The following PCLO variants were observed in gnomAD, a reference collection of about 807,000 sequenced individuals.
PCLO encodes the protein piccolo presynaptic cytomatrix protein.
In PCLO, 82 loss-of-function variants were observed where a neutral mutation model predicts 427.5. The ratio of observed to expected loss-of-function variants is 0.19; its 90% CI spans 0.16 to 0.23. The LOEUF is 0.23. Among genes scored for constraint, PCLO ranks in the 10% least tolerant of loss-of-function variants. The pLI is 1.00. For missense variants in PCLO, 6,239 were observed against 6,115.9 expected, an observed-to-expected ratio of 1.02 and a Z score of -0.67; for synonymous variants, 2,357 against 2,155.4, an observed-to-expected ratio of 1.09 and a Z score of -2.59.
chr7:82,983,510 T>C (rs890123399), intron 3 of PCLO, among the ~76,000 whole-genome samples: 1 of 150,746 alleles, frequency 6.6e-6, no homozygotes, highest in African/African-American at 2.4e-5. Flanking sequence ...ATGTTATAAA[T>C]GTTAACATTT....
At chr7:83,061,057 G>C (rs1464411773) in intron 3 of PCLO, among the ~76,000 whole-genome samples, 1 of 152,164 alleles carries the variant, frequency 6.6e-6, no homozygotes, top group Non-Finnish European at 1.5e-5. Flanking sequence ...CTAGTGGTGT[G>C]TAAAAAATTA....
intron 3 of PCLO, among the ~76,000 whole-genome samples, chr7:83,131,325 G>A (rs533516804): frequency 2.6e-5 from 4 of 152,256 alleles, no homozygotes; most frequent in East Asian, 1.9e-4. Flanking sequence ...GCAGGCAGCC[G>A]TTGGCACTCC....
intron 1 of PCLO, among the ~76,000 whole-genome samples, chr7:83,159,802 A>G (rs1037724656): frequency 1.3e-5 from 2 of 151,786 alleles, no homozygotes; most frequent in African/African-American, 2.4e-5. Flanking sequence ...GTTAATTTTT[A>G]TATATTATAT....
intron 3 of PCLO, among the ~76,000 whole-genome samples, chr7:83,045,403 C>T (rs573593736): frequency 6.6e-6 from 1 of 152,260 alleles, no homozygotes; most frequent in East Asian, 1.9e-4. Flanking sequence ...AAGTTCTACT[C>T]ATTCTTTATG....
intron 20 of PCLO, among the ~76,000 whole-genome samples, chr7:82,818,178 A>G (rs1052821642): frequency 3.9e-5 from 6 of 152,118 alleles, no homozygotes; most frequent in African/African-American, 1.4e-4. Context: ...CAATCTGTCT[A>G]ATCTTTCCCG....
intron 3 of PCLO, among the ~76,000 whole-genome samples, chr7:83,124,186 G>A (rs1033753058): frequency 6.0e-5 from 9 of 150,888 alleles, no homozygotes; most frequent in African/African-American, 1.9e-4. Context: ...GTGCAGTGGC[G>A]GGCGCCTGTA....
intron 13 of PCLO, 39 bp from the exon 14 acceptor site, chr7:82,841,548 A>C (rs1562812452): frequency 8.3e-7 from 1 of 1,199,114 alleles, no homozygotes; most frequent in South Asian, 1.3e-5. Flanking sequence ...TAATAGATAC[A>C]TTTTTCACAT....
At position 82,822,340 on chromosome 7, in the gene PCLO, A is replaced by C. The variant is rs1213305641; in HGVS notation, c.14791+155T>G. On this transcript the variant is annotated intron_variant, in intron 20 of 24. Coordinates refer to ENST00000333891, the MANE Select transcript of PCLO (RefSeq NM_033026.6). Reference sequence around the variant, plus strand: ...AATCTAAATAAGAAAGAGCATATTAATGTATTTATATCGTTCTTACACAGA... The same window carrying C: ...AATCTAAATAAGAAAGAGCATATTACTGTATTTATATCGTTCTTACACAGA... 2.7e-6 allele frequency: 4 copies of C among 1,475,590 alleles called. No individual in the cohort carries two copies. In the African/African-American group the frequency reaches 4.3e-5, roughly 16 times the overall value. 91.4% of individuals were successfully genotyped at this position (1,475,590 alleles called of 1,614,324 possible). A position where few individuals can be genotyped will look rare whatever the true frequency, so the allele number is the denominator to read the frequency against.
At chr7:82,783,087 C>T (rs548500060) in intron 22 of PCLO, among the ~76,000 whole-genome samples, 1 of 152,270 alleles carries the variant, frequency 6.6e-6, no homozygotes, top group South Asian at 2.1e-4. Flanking sequence ...CATCCCTTGC[C>T]TTATAGAACA....
intron 3 of PCLO, among the ~76,000 whole-genome samples, chr7:83,036,728 G>A (rs1788805706): frequency 6.6e-6 from 1 of 151,946 alleles, no homozygotes; most frequent in East Asian, 1.9e-4. Flanking sequence ...GAAGTTATTT[G>A]GAATATCAAC....
chr7:83,114,795 C>T (rs994206615), intron 3 of PCLO, among the ~76,000 whole-genome samples: 112 of 152,072 alleles, frequency 7.4e-4, no homozygotes, highest in African/African-American at 2.5e-3. Flanking sequence ...AGCTTAGTGT[C>T]CTGATAAGTG....
At chr7:83,094,313 A>T (rs1790475442) in intron 3 of PCLO, among the ~76,000 whole-genome samples, 1 of 149,642 alleles carries the variant, frequency 6.7e-6, no homozygotes, top group South Asian at 2.1e-4. Flanking sequence ...AGTTCAAGCG[A>T]TTCTCCTGCC....
intron 4 of PCLO, among the ~76,000 whole-genome samples, chr7:82,961,997 C>T (rs1161995029): frequency 6.6e-6 from 1 of 152,182 alleles, no homozygotes. Context: ...CATATTGTTA[C>T]AAGCTTTTCA....
At chr7:82,808,920 G>A (rs1358853247) in intron 20 of PCLO, among the ~76,000 whole-genome samples, 1 of 151,836 alleles carries the variant, frequency 6.6e-6, no homozygotes, top group Non-Finnish European at 1.5e-5. Context: ...TTCTTGCTGG[G>A]CTGTATCTGC....
intron 6 of PCLO, among the ~76,000 whole-genome samples, chr7:82,928,426 A>G (rs546278334): frequency 2.0e-4 from 31 of 152,302 alleles, no homozygotes; most frequent in African/African-American, 7.5e-4. Flanking sequence ...AGTACTAGCA[A>G]AACTACACAG....
chr7:82,882,844 A>ATT (rs1450545205), intron 9 of PCLO, among the ~76,000 whole-genome samples: 2 of 152,096 alleles, frequency 1.3e-5, no homozygotes, highest in African/African-American at 4.8e-5. Context: ...AAATCTTTAC[A>ATT]TTTGCATTTA....
chr7:83,027,315 A>C, intron 3 of PCLO, among the ~76,000 whole-genome samples: 1 of 151,746 alleles, frequency 6.6e-6, no homozygotes, highest in African/African-American at 2.4e-5. Flanking sequence ...CCATCAGAGA[A>C]TACTACAAAC....
rs141829190 is a variant in PCLO at position 83,149,741 on chromosome 7, C to A, written c.1893+5007G>T. On this transcript the variant is annotated intron_variant, in intron 2 of 24. Coordinates refer to ENST00000333891, the MANE Select transcript of PCLO (RefSeq NM_033026.6). Reference sequence around the variant, plus strand: ...GAACAACTTCTCCCCATTTCTCTTACTAGAAAAATAAGATGCAACAGGATT... The same window carrying A: ...GAACAACTTCTCCCCATTTCTCTTAATAGAAAAATAAGATGCAACAGGATT... Among the ~76,000 whole-genome samples the A allele has an allele frequency of 2.4e-4, 37 of 152,260 alleles. 1 individual carries two copies. In the East Asian group the frequency reaches 7.2e-3, roughly 29 times the overall value.
chr7:82,967,197 CTTTTTT>C (rs766172385), intron 3 of PCLO, among the ~76,000 whole-genome samples: 4 of 133,186 alleles, frequency 3.0e-5, no homozygotes, highest in African/African-American at 8.0e-5. Flanking sequence ...TTCTTCTTTT[CTTTTTT>C]TTTTTTTTTT....
Sources: allele counts gnomAD v4.1 joint callset (sites outside exome capture counted in the v4.1 genomes callset), GRCh38; gene constraint gnomAD v4.1.1; transcripts MANE v1.5; gene names NCBI Gene and HGNC (gene_info 2026-07-23, HGNC 2026-07-21).